GPC3: variants seen among roughly 807,000 people sequenced by gnomAD.
GPC3 encodes the protein glypican 3.
In GPC3, 3 loss-of-function variants were observed where a neutral mutation model predicts 34.4. That is an observed-to-expected ratio of 0.09 (90% CI 0.04 to 0.23). GPC3 has a LOEUF of 0.23. Ranked by LOEUF, GPC3 falls within the 10% of genes least tolerant of loss-of-function variation. The pLI, the probability that GPC3 is intolerant of heterozygous loss-of-function variation, is 1.00. For synonymous variants in GPC3, 177 were observed against 174.0 expected (o/e 1.02, Z -0.13); for missense variants, 351 against 445.6 (o/e 0.79, Z 1.91).
intron 1 of GPC3, among the ~76,000 whole-genome samples, chrX:133,977,187 A>G (rs1020977578): frequency 2.7e-5 from 3 of 111,118 alleles, no homozygotes; most frequent in African/African-American, 9.8e-5. Flanking sequence ...TAATTAATCA[A>G]TCCATTAAAA....
At chrX:133,615,542 G>T (rs2070151927) in intron 6 of GPC3, among the ~76,000 whole-genome samples, 1 of 109,880 alleles carries the variant, frequency 9.1e-6, no homozygotes, top group Non-Finnish European at 1.9e-5. Flanking sequence ...CTCATAAGTG[G>T]GAGCTGAACA....
chrX:133,880,595 C>T lies in GPC3; in HGVS notation c.337+72455G>A, dbSNP rs183394488. ...TATTTAGCTTTGCTCATTCAATCTTCTATTTGATAACAAGGAAAAAAATCA... is the reference window on the plus strand; with the variant it reads ...TATTTAGCTTTGCTCATTCAATCTTTTATTTGATAACAAGGAAAAAAATCA... On this transcript the variant is annotated intron_variant, in intron 2 of 7. Coordinates refer to ENST00000370818, the MANE Select transcript of GPC3 (RefSeq NM_004484.4). Among the ~76,000 whole-genome samples the T allele has an allele frequency of 2.4e-4, 27 of 111,954 alleles. No homozygotes were observed. In the East Asian group the frequency reaches 3.9e-3, roughly 16 times the overall value.
intron 2 of GPC3, among the ~76,000 whole-genome samples, chrX:133,856,092 T>G (rs774843965): frequency 3.6e-5 from 4 of 112,373 alleles, no homozygotes; most frequent in Admixed American, 2.8e-4. Flanking sequence ...AGTGCAGATA[T>G]CTCTTCAACC....
At chrX:133,800,848 AC>A (rs1227579038) in intron 2 of GPC3, among the ~76,000 whole-genome samples, 1 of 111,658 alleles carries the variant, frequency 9.0e-6, no homozygotes, top group Non-Finnish European at 1.9e-5. Context: ...GAGGAAGACT[AC>A]CAAATCAAAT....
chrX:133,874,651 G>T (rs964779332), intron 2 of GPC3, among the ~76,000 whole-genome samples: 17 of 111,902 alleles, frequency 1.5e-4, no homozygotes, highest in African/African-American at 5.5e-4. Flanking sequence ...CATGCAGCAG[G>T]TTGCAGGAAA....
At chrX:133,903,581 CTCTG>C (rs1337753170) in intron 2 of GPC3, among the ~76,000 whole-genome samples, 3 of 112,124 alleles carry the variant, frequency 2.7e-5, no homozygotes, top group Admixed American at 9.4e-5. Flanking sequence ...AAGAGCGAAA[CTCTG>C]TCTGAAAACA....
chrX:133,618,793 G>A (rs1399392229), intron 6 of GPC3, among the ~76,000 whole-genome samples: 2 of 110,172 alleles, frequency 1.8e-5, no homozygotes, highest in Non-Finnish European at 3.8e-5. Flanking sequence ...TGTGAACTTG[G>A]GTTAAGCAAA....
At chrX:133,886,942 C>T (rs1215067084) in intron 2 of GPC3, among the ~76,000 whole-genome samples, 1 of 112,641 alleles carries the variant, frequency 8.9e-6, no homozygotes, top group African/African-American at 3.2e-5. Flanking sequence ...ATACTAATAT[C>T]AAATGTTTTG....
At chrX:133,914,981 A>ATATATATG (rs1491286825) in intron 2 of GPC3, among the ~76,000 whole-genome samples, 1 of 92,312 alleles carries the variant, frequency 1.1e-5, no homozygotes, top group African/African-American at 4.1e-5. Flanking sequence ...ATATATATAT[A>ATATATATG]AAGTTTTATA....
At chrX:133,958,016 CTGAAGTCATT>C (rs2076424007) in intron 1 of GPC3, among the ~76,000 whole-genome samples, 1 of 111,566 alleles carries the variant, frequency 9.0e-6, no homozygotes, top group Non-Finnish European at 1.9e-5. Context: ...AAAAAATTAA[CTGAAGTCATT>C]ACAGGGCTGC....
At chrX:133,541,128 G>A (rs902541284) in intron 7 of GPC3, among the ~76,000 whole-genome samples, 6 of 110,552 alleles carry the variant, frequency 5.4e-5, no homozygotes, top group Non-Finnish European at 9.4e-5. Flanking sequence ...TTAGAAAGAT[G>A]ATTGTTAACA....
chrX:133,835,164 T>C (rs1447355347), intron 2 of GPC3, among the ~76,000 whole-genome samples: 2 of 112,264 alleles, frequency 1.8e-5, no homozygotes, highest in Non-Finnish European at 3.8e-5. Context: ...AGAGCTTAAA[T>C]AAATAAAAGC....
At chrX:133,587,435 G>A (rs772075764) in intron 7 of GPC3, among the ~76,000 whole-genome samples, 6 of 111,902 alleles carry the variant, frequency 5.4e-5, no homozygotes, top group African/African-American at 1.9e-4. Flanking sequence ...TCAATATATT[G>A]GTTTCCTTTC....
intron 2 of GPC3, among the ~76,000 whole-genome samples, chrX:133,795,993 T>C (rs1028851341): frequency 3.0e-5 from 3 of 100,600 alleles, no homozygotes; most frequent in Admixed American, 1.1e-4. Flanking sequence ...TCCCCCAGGC[T>C]GGAGTGCAGT....
chrX:133,629,014 A>G (rs2070337582), intron 6 of GPC3, among the ~76,000 whole-genome samples: 1 of 112,423 alleles, frequency 8.9e-6, no homozygotes, highest in South Asian at 3.7e-4. Flanking sequence ...CTTGTAATAT[A>G]CATTCTTACA....
At chrX:133,671,154 T>C (rs972283787) in intron 5 of GPC3, 101 of 1,064,006 alleles carry the variant, frequency 9.5e-5, no homozygotes, top group Non-Finnish European at 1.3e-4. Context: ...GTCATCTTTG[T>C]ATTTGGATTC....
rs954288460 is a variant in GPC3 at position 133,983,101 on chromosome X, A to G, written c.175+2174T>C. Among the ~76,000 whole-genome samples, 3 of 111,742 alleles carry G rather than the reference A, an allele frequency of 2.7e-5. No homozygotes were observed. The East Asian group carries it at 8.4e-4, about 31-fold the overall frequency. On this transcript the variant is annotated intron_variant, in intron 1 of 7. Transcript: ENST00000370818. The stretch of plus-strand genomic sequence containing the variant: ...ATTAGAAACCTGCACTGCCCCCGGA[A>G]AATCCAGGATATATAATGGTAGCTG...
intron 6 of GPC3, among the ~76,000 whole-genome samples, chrX:133,633,972 T>C (rs1212761230): frequency 1.8e-5 from 2 of 112,207 alleles, no homozygotes; most frequent in Non-Finnish European, 3.8e-5. Flanking sequence ...TCATATTCTT[T>C]CCACTTTTTT....
intron 2 of GPC3, among the ~76,000 whole-genome samples, chrX:133,793,078 A>T (rs922204944): frequency 5.9e-5 from 6 of 102,543 alleles, no homozygotes; most frequent in Non-Finnish European, 1.0e-4. Context: ...AAATAGAAAT[A>T]AAAAAAAAAA....
Sources: allele counts gnomAD v4.1 joint callset (sites outside exome capture counted in the v4.1 genomes callset), GRCh38; gene constraint gnomAD v4.1.1; transcripts MANE v1.5; gene names NCBI Gene and HGNC (gene_info 2026-07-23, HGNC 2026-07-21).